RASAL1: variants seen among roughly 807,000 people sequenced by gnomAD.
RASAL1 encodes the protein RAS protein activator like 1, also known as rasGAP-activating-like protein 1.
A neutral mutation model predicts 96.6 loss-of-function variants in RASAL1; 72 were observed. That is an observed-to-expected ratio of 0.75 (90% CI 0.62 to 0.91). The LOEUF is 0.91. Among genes scored for constraint, RASAL1 ranks in the 40% least tolerant of loss-of-function variants. RASAL1 has a pLI of 0.00. For missense variants in RASAL1, 1,016 were observed against 1,072.5 expected, an observed-to-expected ratio of 0.95 and a Z score of 0.74; for synonymous variants, 405 against 430.4, an observed-to-expected ratio of 0.94 and a Z score of 0.73.
chr12:113,099,758 T>C lies in RASAL1; in HGVS notation c.*171A>G. 2 of 943,896 alleles carry C rather than the reference T, an allele frequency of 2.1e-6. No homozygotes were observed. The highest frequency in any genetic ancestry group is 2.5e-5 in the East Asian group (1 of 39,526). The allele number at this position is 943,896 out of a possible 1,614,324, so 58.5% of individuals were successfully genotyped here. On this transcript the variant is annotated 3_prime_UTR_variant, in exon 21 of 21. Transcript: ENST00000548055. The stretch of plus-strand genomic sequence containing the variant: ...GCAAGGCTGGCCCCTGCCAAAGGGC[T>C]TCCATGCCCTGAGTTCTGGACTCAA...
intron 12 of RASAL1, 31 bp downstream of exon 12, chr12:113,114,769 C>T (rs568297442): frequency 4.4e-6 from 7 of 1,584,754 alleles, no homozygotes; most frequent in African/African-American, 1.3e-5. Context: ...AGGGGCCCGT[C>T]GGAAGGTCAG....
intron 12 of RASAL1, among the ~76,000 whole-genome samples, chr12:113,112,526 A>T (rs943395428): frequency 3.3e-5 from 5 of 150,834 alleles, no homozygotes; most frequent in African/African-American, 1.2e-4. Context: ...TCTCCGCAAC[A>T]CTCCCTTCCT....
intron 18 of RASAL1, 119 bp from the exon 19 acceptor site, chr12:113,102,128 C>T: frequency 7.9e-7 from 1 of 1,267,212 alleles, no homozygotes; most frequent in Non-Finnish European, 1.1e-6. Context: ...AAACCTACTA[C>T]TTCTAGGCCA....
At chr12:113,132,325 C>T (rs1951749682) in intron 1 of RASAL1, among the ~76,000 whole-genome samples, 1 of 152,156 alleles carries the variant, frequency 6.6e-6, no homozygotes, top group Non-Finnish European at 1.5e-5. Context: ...CTGCCACTTC[C>T]AAACTGTGAA....
chr12:113,123,647 A>G (rs758734206), intron 4 of RASAL1, among the ~76,000 whole-genome samples: 1 of 152,260 alleles, frequency 6.6e-6, no homozygotes, highest in Non-Finnish European at 1.5e-5. Flanking sequence ...GCAATGGTGC[A>G]ATCTTGGCTC....
chr12:113,130,769 C>A lies in RASAL1; in HGVS notation c.122+116G>T. 1.2e-6 allele frequency: 1 copy of A among 809,346 alleles called. No individual in the cohort carries two copies. The highest frequency in any genetic ancestry group is 1.8e-5 in the South Asian group (1 of 55,970). The allele number at this position is 809,346 out of a possible 1,614,324, so 50.1% of individuals were successfully genotyped here. Reference sequence around the variant, plus strand: ...GGACACAAATCACCCACCTGCAGGCCCGCGAGTCCCCCTCAGGGTAAGCAC... The same window carrying A: ...GGACACAAATCACCCACCTGCAGGCACGCGAGTCCCCCTCAGGGTAAGCAC... On this transcript the variant is annotated intron_variant, in intron 2 of 20. Coordinates refer to ENST00000548055, the MANE Select transcript of RASAL1 (RefSeq NM_001301202.2). The surrounding 1 kb of genome is among the most constrained non-coding windows in gnomAD (Gnocchi z 5.1).
intron 1 of RASAL1, among the ~76,000 whole-genome samples, chr12:113,132,252 C>T (rs1011870345): frequency 1.3e-5 from 2 of 152,102 alleles, no homozygotes; most frequent in African/African-American, 2.4e-5. Flanking sequence ...GGATTACAGG[C>T]GTGAGCCACC....
rs1156867232 is a variant in RASAL1 at position 113,115,352 on chromosome 12, C to T, written c.1004-88G>A. 7.7e-7 allele frequency: 1 copy of T among 1,303,818 alleles called. No individual in the cohort carries two copies. Among genetic ancestry groups the T allele is most frequent in the Non-Finnish European group, 1.1e-6 (1 of 899,326 alleles). 80.8% of individuals were successfully genotyped at this position (1,303,818 alleles called of 1,614,324 possible). On this transcript the variant is annotated intron_variant, in intron 10 of 20. Transcript: ENST00000548055. This position sits in a 1 kb window ranked among gnomAD's most constrained non-coding sequence, Gnocchi z 4.1. ...ACCCAAGGTGGGAGTCATGATTCTT[C>T]CAGCCCCAAGAATCAGGAAGACCCA...
intron 13 of RASAL1, among the ~76,000 whole-genome samples, 184 bp downstream of exon 13, chr12:113,111,901 AT>A (rs1471097680): frequency 6.6e-6 from 1 of 152,040 alleles, no homozygotes; most frequent in Non-Finnish European, 1.5e-5. Flanking sequence ...CGCCCGGCCT[AT>A]TTTTATTATT....
chr12:113,133,052 A>T (rs1356708361), intron 1 of RASAL1, among the ~76,000 whole-genome samples: 1 of 152,004 alleles, frequency 6.6e-6, no homozygotes, highest in Non-Finnish European at 1.5e-5. Flanking sequence ...TTCCCCAACT[A>T]CAGATGTGGG....
chr12:113,128,205 G>T (rs1202687482), intron 2 of RASAL1, 27 bp from the exon 3 acceptor site: 1 of 1,528,158 alleles, frequency 6.5e-7, no homozygotes, highest in Non-Finnish European at 9.0e-7. Context: ...AGGGGGCTGG[G>T]GTCCTCGGGC....
intron 18 of RASAL1, 22 bp downstream of exon 18, chr12:113,103,924 G>T (rs1432669055): frequency 3.9e-6 from 6 of 1,546,116 alleles, no homozygotes; most frequent in Non-Finnish European, 4.3e-6. Flanking sequence ...GGCGGAGCCT[G>T]CAGTCCGCCC....
At chr12:113,103,421 C>T (rs1344331121) in intron 18 of RASAL1, among the ~76,000 whole-genome samples, 1 of 152,026 alleles carries the variant, frequency 6.6e-6, no homozygotes, top group Non-Finnish European at 1.5e-5. Context: ...GCCTGACCAA[C>T]ATGGGGAAAC....
At chr12:113,109,027 A>AG (rs1355172896) in intron 13 of RASAL1, among the ~76,000 whole-genome samples, 1 of 93,284 alleles carries the variant, frequency 1.1e-5, no homozygotes, top group Non-Finnish European at 2.1e-5. Flanking sequence ...TTTTGTTTTT[A>AG]GGTTTTTTTG....
rs180945062 is a variant in RASAL1 at position 113,106,831 on chromosome 12, A to G, written c.1657+266T>C. Among the ~76,000 whole-genome samples the G allele has an allele frequency of 1.5e-3, 221 of 152,290 alleles. 1 individual carries two copies. The highest frequency in any genetic ancestry group is 2.2e-3 in the Non-Finnish European group (153 of 68,022). Reference sequence around the variant, plus strand: ...TGTGCCTGTTATTTAGTAAGCGCTTAATAGATGTTTGTCAATGGCATGCAC... The same window carrying G: ...TGTGCCTGTTATTTAGTAAGCGCTTGATAGATGTTTGTCAATGGCATGCAC... On this transcript the variant is annotated intron_variant, in intron 15 of 20. Transcript: ENST00000548055.
chr12:113,124,255 A>G (rs929690133), intron 4 of RASAL1, among the ~76,000 whole-genome samples: 3 of 151,438 alleles, frequency 2.0e-5, no homozygotes, highest in African/African-American at 7.3e-5. Flanking sequence ...CACAAGTCCA[A>G]CAATGTATTA....
chr12:113,127,487 T>C (rs1285594421), intron 4 of RASAL1, among the ~76,000 whole-genome samples: 1 of 152,032 alleles, frequency 6.6e-6, no homozygotes, highest in African/African-American at 2.4e-5. Context: ...ATCTATAAGA[T>C]ATTTCTGAAA....
intron 14 of RASAL1, 101 bp downstream of exon 14, chr12:113,107,984 G>A: frequency 7.2e-7 from 1 of 1,389,748 alleles, no homozygotes; most frequent in Non-Finnish European, 9.6e-7. Context: ...TTCTTCGGAT[G>A]TTCTTTGGGT....
chr12:113,107,315 A>G (rs1006987581), intron 14 of RASAL1, 74 bp from the exon 15 acceptor site: 3 of 1,456,932 alleles, frequency 2.1e-6, no homozygotes, highest in African/African-American at 1.4e-5. Flanking sequence ...CTCCCAAATC[A>G]GTGCTCAATA....
Sources: allele counts gnomAD v4.1 joint callset (sites outside exome capture counted in the v4.1 genomes callset), GRCh38; gene constraint gnomAD v4.1.1; non-coding constraint Gnocchi (gnomAD v3.1); transcripts MANE v1.5; gene names NCBI Gene and HGNC (gene_info 2026-07-23, HGNC 2026-07-21).